PRKG1: variants seen among roughly 807,000 people sequenced by gnomAD.
PRKG1 encodes the protein cGMP-dependent protein kinase 1.
PRKG1 carries 35 observed loss-of-function variants against 88.1 expected under a neutral mutation model. That is an observed-to-expected ratio of 0.40 (90% CI 0.30 to 0.53). The LOEUF (loss-of-function observed/expected upper bound fraction) is 0.53, where lower values mean the gene tolerates loss of function less well. PRKG1 is among the 20% of genes least tolerant of loss of function. The pLI, the probability that PRKG1 is intolerant of heterozygous loss-of-function variation, is 0.59. For missense variants in PRKG1, 540 were observed against 839.8 expected (o/e 0.64, Z 4.41); for synonymous variants, 303 against 292.5 (o/e 1.04, Z -0.37).
intron 1 of PRKG1, among the ~76,000 whole-genome samples, chr10:51,128,664 G>A (rs767608684): frequency 2.6e-5 from 4 of 152,160 alleles, no homozygotes; most frequent in Non-Finnish European, 5.9e-5. Context: ...GTTTTCCAAA[G>A]TCTGATAAAG....
chr10:51,289,553 C>T (rs762009941), intron 2 of PRKG1, among the ~76,000 whole-genome samples: 33 of 152,052 alleles, frequency 2.2e-4, no homozygotes, highest in Non-Finnish European at 3.4e-4. Context: ...AGAGATTGTA[C>T]TAGATGTATC....
At chr10:51,592,664 T>C (rs1220135372) in intron 3 of PRKG1, among the ~76,000 whole-genome samples, 1 of 152,200 alleles carries the variant, frequency 6.6e-6, no homozygotes, top group African/African-American at 2.4e-5. Flanking sequence ...CCTTCTCATT[T>C]TGAGTTTTAG....
At chr10:51,192,458 T>G (rs181777952) in intron 2 of PRKG1, among the ~76,000 whole-genome samples, 81 of 152,016 alleles carry the variant, frequency 5.3e-4, no homozygotes, top group Non-Finnish European at 6.9e-4. Context: ...ATAAGAAATC[T>G]CAACAGAAAA....
chr10:52,041,304 C>T (rs932569054), intron 5 of PRKG1, among the ~76,000 whole-genome samples: 2 of 152,174 alleles, frequency 1.3e-5, no homozygotes, highest in African/African-American at 4.8e-5. Context: ...GTTGAACCAT[C>T]CCTGCATCCT....
At chr10:51,273,906 G>A (rs946095602) in intron 2 of PRKG1, among the ~76,000 whole-genome samples, 4 of 152,186 alleles carry the variant, frequency 2.6e-5, no homozygotes, top group African/African-American at 9.7e-5. Context: ...AGCATGAGGC[G>A]CCTGCGCAGG....
rs563212069 is a variant in PRKG1, at chr10:51,908,734, A to ATATATATATATTTTTT, written c.762+1165_762+1166insATATATATATTTTTTT. On this transcript the variant is annotated intron_variant, in intron 5 of 17. Transcript: ENST00000373980. ...CTCTCTGTCTATCTATCTATATGTA[A>ATATATATATATTTTTT]TTTTTTTTTTTTTGAGACAGTGTCT... 118 of 52,182 alleles carry ATATATATATATTTTTT rather than the reference A, an allele frequency of 2.3e-3. 1 individual carries two copies. Among genetic ancestry groups the ATATATATATATTTTTT allele is most frequent in the Middle Eastern group, 0.01 (1 of 98 alleles). The allele number at this position is 52,182 out of a possible 1,614,324, so 3.2% of individuals were successfully genotyped here.
At chr10:51,053,431 G>A (rs1843589816) in intron 1 of PRKG1, among the ~76,000 whole-genome samples, 1 of 152,164 alleles carries the variant, frequency 6.6e-6, no homozygotes. Context: ...GAGGCACATG[G>A]GATCTGTATG....
intron 2 of PRKG1, among the ~76,000 whole-genome samples, chr10:51,261,792 A>G (rs911831281): frequency 6.6e-6 from 1 of 151,600 alleles, no homozygotes; most frequent in South Asian, 2.1e-4. Flanking sequence ...TTGCAAACTG[A>G]TTCCCTGTTT....
chr10:51,603,369 G>T (rs1407368853), intron 3 of PRKG1, among the ~76,000 whole-genome samples: 2 of 152,124 alleles, frequency 1.3e-5, no homozygotes, highest in Non-Finnish European at 2.9e-5. Flanking sequence ...TGTCTGGTGA[G>T]TTCTTTACTC....
chr10:51,695,891 T>C (rs1310682047), intron 3 of PRKG1: 2 of 152,234 alleles, frequency 1.3e-5, no homozygotes, highest in African/African-American at 4.8e-5. Context: ...TAACTAGATA[T>C]TGGTTTTTCT....
rs1464617407 is a variant in PRKG1 at position 51,306,761 on chromosome 10, G to A, written c.478+153431G>A. On this transcript the variant is annotated intron_variant, in intron 2 of 17. Transcript: ENST00000373980. Reference sequence around the variant, plus strand: ...AATATTAGCAGAAATTATAAAAGGAGCTTACAGAGTATTTTGCAAAGTTCA... The same window carrying A: ...AATATTAGCAGAAATTATAAAAGGAACTTACAGAGTATTTTGCAAAGTTCA... 10 of 152,264 alleles carry A rather than the reference G, an allele frequency of 6.6e-5. No homozygotes were observed. In the East Asian group the frequency reaches 1.9e-3, roughly 29 times the overall value. 9.4% of individuals were successfully genotyped at this position (152,264 alleles called of 1,614,324 possible).
chr10:51,407,167 AC>A (rs1176158773), intron 2 of PRKG1, among the ~76,000 whole-genome samples: 1 of 152,134 alleles, frequency 6.6e-6, no homozygotes, highest in Non-Finnish European at 1.5e-5. Flanking sequence ...TCACAAACAT[AC>A]CCAGGATCAA....
intron 5 of PRKG1, among the ~76,000 whole-genome samples, chr10:52,023,092 G>C (rs1392427993): frequency 6.6e-6 from 1 of 152,080 alleles, no homozygotes; most frequent in Non-Finnish European, 1.5e-5. Flanking sequence ...ACAGGTCCTG[G>C]TGTGTGATGT....
At chr10:51,377,895 T>C (rs1842847657) in intron 2 of PRKG1, among the ~76,000 whole-genome samples, 1 of 152,200 alleles carries the variant, frequency 6.6e-6, no homozygotes, top group Non-Finnish European at 1.5e-5. Context: ...ACCAGCACAG[T>C]GACTGAGCTC....
chr10:51,581,173 T>A (rs917855403), intron 3 of PRKG1, among the ~76,000 whole-genome samples: 4 of 152,282 alleles, frequency 2.6e-5, no homozygotes, highest in African/African-American at 7.2e-5. Context: ...ACATAACATC[T>A]GTATGCAGAA....
intron 2 of PRKG1, among the ~76,000 whole-genome samples, chr10:51,208,242 A>G (rs1183755022): frequency 6.6e-6 from 1 of 152,236 alleles, no homozygotes; most frequent in Non-Finnish European, 1.5e-5. Flanking sequence ...ATATGTGTAG[A>G]TGATGAAAGA....
At chr10:51,880,822 C>A (rs151201823) in intron 4 of PRKG1, among the ~76,000 whole-genome samples, 1 of 152,122 alleles carries the variant, frequency 6.6e-6, no homozygotes, top group Non-Finnish European at 1.5e-5. Flanking sequence ...ATCAACCTAT[C>A]GGTTCATCAA....
intron 9 of PRKG1, among the ~76,000 whole-genome samples, chr10:52,178,592 G>A (rs1028349271): frequency 7.9e-5 from 12 of 151,942 alleles, no homozygotes; most frequent in African/African-American, 2.7e-4. Flanking sequence ...CACCGACAGT[G>A]GGATGGATGT....
chr10:51,708,761 C>T (rs759889598), intron 3 of PRKG1, among the ~76,000 whole-genome samples: 16 of 152,116 alleles, frequency 1.1e-4, no homozygotes, highest in Non-Finnish European at 2.2e-4. Flanking sequence ...CTGCTGGGGC[C>T]GGGTAGTCAG....
Sources: gnomAD v4.1 joint callset for allele counts (sites outside exome capture counted in the v4.1 genomes callset) on GRCh38, gnomAD v4.1.1 for gene constraint, MANE v1.5 for transcripts, NCBI Gene and HGNC (gene_info 2026-07-23, HGNC 2026-07-21) for gene names.